The following OVGP1 variants were observed in gnomAD, a reference collection of about 807,000 sequenced individuals.
The protein encoded by OVGP1 is oviduct-specific glycoprotein.
In OVGP1, 26 loss-of-function variants were observed where a neutral mutation model predicts 48.2. That is an observed-to-expected ratio of 0.54 (90% confidence interval 0.40 to 0.75). OVGP1 has a LOEUF of 0.75. OVGP1 is among the 30% of genes least tolerant of loss of function. The pLI, the probability that OVGP1 is intolerant of heterozygous loss-of-function variation, is 0.00. For missense variants in OVGP1, 791 were observed against 820.6 expected (o/e 0.96, Z 0.44); for synonymous variants, 294 against 305.7 (o/e 0.96, Z 0.40).
chr1:111,415,087 C>T lies in OVGP1; in HGVS notation c.1414G>A (p.Glu472Lys). 1 of 1,614,172 alleles carries T rather than the reference C, an allele frequency of 6.2e-7. No homozygotes were observed. The highest frequency in any genetic ancestry group is 8.5e-7 in the Non-Finnish European group (1 of 1,179,998). The change falls in exon 11 of 11, where the codon GAG becomes AAG. Residue 472 changes from glutamate (E) to lysine (K), a missense_variant. By Grantham distance (56) the Glu-to-Lys change is moderately conservative. Coordinates refer to ENST00000369732, the MANE Select transcript of OVGP1 (RefSeq NM_002557.4). ...KHTVALGEKTEITGAMTMTSV... is the reference protein window; with the variant it reads ...KHTVALGEKTKITGAMTMTSV... ...GTCATGGTCATTGCCCCAGTGATCT[C>T]AGTCTTCTCTCCTAGAGCTACAGTG...
intron 4 of OVGP1, among the ~76,000 whole-genome samples, chr1:111,424,438 G>A (rs1652351039): frequency 6.6e-6 from 1 of 152,140 alleles, no homozygotes; most frequent in South Asian, 2.1e-4. Flanking sequence ...AATAGATCTG[G>A]GTTCCATGGT....
At position 111,423,586 on chromosome 1, in the gene OVGP1, CCT is replaced by C; in HGVS notation, c.438_439del (p.Gly147GlnfsTer5). On this transcript the variant is annotated frameshift_variant, in exon 5 of 11. Transcript: ENST00000369732. LOFTEE classifies it high-confidence loss of function. ...AGTCCACCGGTCATGCATGGGGCTG[CCT>C]CTTAGTCCAGGATATAAGAAGAAAA... 6.2e-7 allele frequency: 1 copy of C among 1,614,176 alleles called. No individual in the cohort carries two copies. The highest frequency in any genetic ancestry group is 1.6e-4 in the Middle Eastern group (1 of 6,062).
chr1:111,419,349 A>G (rs1317555607), intron 9 of OVGP1, among the ~76,000 whole-genome samples: 1 of 152,228 alleles, frequency 6.6e-6, no homozygotes, highest in Non-Finnish European at 1.5e-5. Context: ...GACCAAAAAG[A>G]TCATCGAAAA....
chr1:111,426,477 C>T lies in OVGP1; in HGVS notation c.220G>A (p.Glu74Lys), dbSNP rs373601178. 54 of 1,614,026 alleles carry T rather than the reference C, an allele frequency of 3.3e-5. No homozygotes were observed. The South Asian group carries it at 5.6e-4, about 17-fold the overall frequency. ...NQIVAKDLQDEKILYPEFNKL... is the reference protein window; with the variant it reads ...NQIVAKDLQDKKILYPEFNKL... ...TTGAACTCTGGGTAGAGAATTTTCT[C>T]ATCCTGGAGATCCTTAGCAACAATC... The change falls in exon 3 of 11, where the codon GAG becomes AAG. Residue 74 changes from glutamate (E) to lysine (K), a missense_variant. Transcript: ENST00000369732.
At chr1:111,421,771 C>G in intron 6 of OVGP1, 98 bp from the exon 7 acceptor site, 2 of 747,998 alleles carry the variant, frequency 2.7e-6, no homozygotes, top group South Asian at 1.7e-5. Context: ...AGACATTGGT[C>G]ACCAGAGCTT....
chr1:111,425,502 C>A, intron 3 of OVGP1, 63 bp from the exon 4 acceptor site: 1 of 1,608,396 alleles, frequency 6.2e-7, no homozygotes, highest in Non-Finnish European at 8.5e-7. Flanking sequence ...GCTGCTGCCA[C>A]ATTCTTTTAT....
In OVGP1 at chr1:111,416,472, A is replaced by G. The variant is rs1443301990; in HGVS notation, c.1021-14T>C. On this transcript the variant is annotated splice_polypyrimidine_tract_variant and intron_variant, in intron 9 of 10. Transcript: ENST00000369732. ...TATAAACCATGCCTGTAAAAGTAAC[A>G]GTCAGTCAACCTGCTGTACTTGTCA... 6.3e-7 allele frequency: 1 copy of G among 1,598,204 alleles called. No homozygotes were observed. The highest frequency in any genetic ancestry group is 1.3e-5 in the African/African-American group (1 of 74,784).
In OVGP1 at chr1:111,414,929, CA is replaced by C; in HGVS notation, c.1571del (p.Leu524ArgfsTer9). The C allele has an allele frequency of 6.3e-6, 5 of 799,672 alleles. No homozygotes were observed. The highest frequency in any genetic ancestry group is 9.2e-6 in the Non-Finnish European group (5 of 545,570). The allele number at this position is 799,672 out of a possible 1,614,324, so 49.5% of individuals were successfully genotyped here. ...TCACAGACTGATGACCCACAGGGGTCAGGGTCTTTTCCCCAGGGGTCACAGA... is the reference window on the plus strand; with the variant it reads ...TCACAGACTGATGACCCACAGGGGTCGGGTCTTTTCCCCAGGGGTCACAGA... ...YQSVTPGEKT[L>X]TPVGHQSVTP... On this transcript the variant is annotated frameshift_variant, in exon 11 of 11. Transcript: ENST00000369732. LOFTEE classifies it low-confidence loss of function (END_TRUNC).
rs1405581660 is a variant in OVGP1, at chr1:111,423,585, G to A, written c.441C>T (p.Gly147=). 3 of 1,614,070 alleles carry A rather than the reference G, an allele frequency of 1.9e-6. No homozygotes were observed. Among genetic ancestry groups the A allele is most frequent in the Non-Finnish European group, 2.5e-6 (3 of 1,180,012 alleles). ...AAGTCCACCGGTCATGCATGGGGCT[G>A]CCTCTTAGTCCAGGATATAAGAAGA... is the stretch of plus-strand genomic sequence containing the variant. ...DLFFLYPGLR[G]SPMHDRWTFL... is the part of the protein sequence containing the mutation. The change falls in exon 5 of 11, where the codon GGC becomes GGT. Residue 147 remains glycine (G), a synonymous_variant. Coordinates refer to ENST00000369732, the MANE Select transcript of OVGP1 (RefSeq NM_002557.4).
chr1:111,423,774 C>T (rs1180252021), intron 4 of OVGP1, 66 bp from the exon 5 acceptor site: 11 of 1,507,174 alleles, frequency 7.3e-6, no homozygotes, highest in Admixed American at 1.8e-5. Flanking sequence ...TACAAGGCCC[C>T]TTGCAAGCTT....
At chr1:111,422,811 C>A in intron 6 of OVGP1, 116 bp downstream of exon 6, 1 of 1,219,726 alleles carries the variant, frequency 8.2e-7, no homozygotes, top group Non-Finnish European at 1.2e-6. Flanking sequence ...CTTGCACTGA[C>A]GTCAGGGCAG....
chr1:111,426,217 C>T (rs992241897), intron 3 of OVGP1, among the ~76,000 whole-genome samples: 1 of 152,134 alleles, frequency 6.6e-6, no homozygotes, highest in African/African-American at 2.4e-5. Flanking sequence ...AAGCACATTC[C>T]AGGCAGAGAC....
chr1:111,426,877 G>T lies in OVGP1; in HGVS notation c.55+185C>A, dbSNP rs1298352927. 10 of 1,547,880 alleles carry T rather than the reference G, an allele frequency of 6.5e-6. No individual in the cohort carries two copies. The East Asian group carries it at 2.4e-4, about 38-fold the overall frequency. ...CTGGTCAGAACAGATTCTCAAGTCT[G>T]GACCAAGGCACACAGTCAGCGACAC... On this transcript the variant is annotated intron_variant, in intron 2 of 10. Transcript: ENST00000369732.
intron 1 of OVGP1, 171 bp from the exon 2 acceptor site, chr1:111,427,262 T>G (rs1652422221): frequency 1.0e-6 from 1 of 985,326 alleles, no homozygotes; most frequent in South Asian, 4.7e-5. Context: ...GTTTCTAAAG[T>G]TGGACCAGTG....
At chr1:111,423,447 C>T in intron 5 of OVGP1, 96 bp downstream of exon 5, 2 of 1,295,006 alleles carry the variant, frequency 1.5e-6, no homozygotes, top group Non-Finnish European at 2.2e-6. Context: ...CCCTCTTCTG[C>T]CCCTGGCCCT....
In OVGP1 at chr1:111,426,544, G is replaced by A; in HGVS notation, c.153C>T (p.Cys51=). 6.2e-7 allele frequency: 1 copy of A among 1,614,156 alleles called. No individual in the cohort carries two copies. Among genetic ancestry groups the A allele is most frequent in the Non-Finnish European group, 8.5e-7 (1 of 1,180,012 alleles). The change falls in exon 3 of 11, where the codon TGC becomes TGT. Residue 51 remains cysteine (C), a synonymous_variant. Coordinates refer to ENST00000369732, the MANE Select transcript of OVGP1 (RefSeq NM_002557.4). The part of the protein sequence containing the change: ...ILPHDLDPFL[C]THLIFAFASM... ...AGGCAAAGGCAAATATCAGGTGGGT[G>A]CAGAGAAAGGGGTCCAGGTCATGGG...
rs1055477734 is a variant in OVGP1 at position 111,421,684 on chromosome 1, C to A, written c.609-11G>T. On this transcript the variant is annotated splice_polypyrimidine_tract_variant and intron_variant, in intron 6 of 10. Coordinates refer to ENST00000369732, the MANE Select transcript of OVGP1 (RefSeq NM_002557.4). ...ATGAAATCCAGGAGTCTGTAAGGGG[C>A]AGGAGGAAGAGATATAAAGACTGGG... 1 of 1,525,124 alleles carries A rather than the reference C, an allele frequency of 6.6e-7. No homozygotes were observed. The highest frequency in any genetic ancestry group is 9.1e-7 in the Non-Finnish European group (1 of 1,099,248). 94.5% of individuals were successfully genotyped at this position (1,525,124 alleles called of 1,614,324 possible).
Position 111,419,632 on chromosome 1 carries a change from T to C in OVGP1, c.998A>G (p.Asn333Ser), listed in dbSNP as rs531707207. The stretch of plus-strand genomic sequence containing the variant: ...CACCTTGTAACTGAAGCTGATGGCA[T>C]TGTCATAGCCAACCCACTCTTTCCC... ...NKGKEWVGYD[N>S]AISFSYKAWF... Residue 333 changes from asparagine (N) to serine (S), a missense_variant, in exon 9 of 11, where the codon AAT becomes AGT. Asn to Ser is a conservative substitution (Grantham distance 46). Coordinates refer to ENST00000369732, the MANE Select transcript of OVGP1 (RefSeq NM_002557.4). 69 of 1,608,438 alleles carry C rather than the reference T, an allele frequency of 4.3e-5. No individual in the cohort carries two copies. In the East Asian group the frequency reaches 7.8e-4, roughly 18 times the overall value.
At chr1:111,426,369 A>G in intron 3 of OVGP1, 68 bp downstream of exon 3, 1 of 1,605,808 alleles carries the variant, frequency 6.2e-7, no homozygotes. Flanking sequence ...GAGTAACAGG[A>G]GAAATAGACT....
Sources: gnomAD v4.1 joint callset for allele counts (sites outside exome capture counted in the v4.1 genomes callset) on GRCh38, gnomAD v4.1.1 for gene constraint, MANE v1.5 for transcripts, NCBI Gene and HGNC (gene_info 2026-07-23, HGNC 2026-07-21) for gene names.